Variants in SBF2 observed in about 807,000 individuals in gnomAD.
SBF2 encodes the protein myotubularin-related protein 13.
In SBF2, 112 loss-of-function variants were observed where a neutral mutation model predicts 225.2. The ratio of observed to expected loss-of-function variants is 0.50; its 90% confidence interval spans 0.43 to 0.58. The LOEUF (loss-of-function observed/expected upper bound fraction) is 0.58, where lower values mean the gene tolerates loss of function less well. SBF2 is among the 20% of genes least tolerant of loss of function. The probability of loss-of-function intolerance (pLI) is 0.00; values close to 1 mark genes in which losing one functional copy is unlikely to be tolerated. For missense variants in SBF2, 1,996 were observed against 2,206.2 expected (o/e 0.90, Z 1.91); for synonymous variants, 763 against 773.3 (o/e 0.99, Z 0.22).
At chr11:10,133,761 A>G (rs112234931) in intron 2 of SBF2, among the ~76,000 whole-genome samples, 44,513 of 149,552 alleles carry the variant, frequency 0.3, 7,045 homozygotes, top group Non-Finnish European at 0.35. Flanking sequence ...CCACAGTGCA[A>G]TGGGGGACTG....
chr11:10,146,896 G>A (rs1282237266), intron 2 of SBF2, among the ~76,000 whole-genome samples: 1 of 152,034 alleles, frequency 6.6e-6, no homozygotes, highest in Non-Finnish European at 1.5e-5. Flanking sequence ...TAAAAAGTGG[G>A]CAAAGGACAT....
At chr11:9,804,451 G>T (rs11605368) in intron 32 of SBF2, among the ~76,000 whole-genome samples, 77,832 of 152,088 alleles carry the variant, frequency 0.51, 21,820 homozygotes, top group Non-Finnish European at 0.64. Context: ...ATTTATTGAA[G>T]TGTTATTTAA....
intron 16 of SBF2, chr11:9,958,214 C>T (rs7952455): frequency 0.11 from 17,078 of 152,050 alleles, 1,080 homozygotes; most frequent in Non-Finnish European, 0.13. Context: ...CACTAATGTA[C>T]TAAAAAGCTT....
intron 2 of SBF2, among the ~76,000 whole-genome samples, chr11:10,094,256 G>C (rs1431881797): frequency 6.6e-6 from 1 of 152,144 alleles, no homozygotes; most frequent in Non-Finnish European, 1.5e-5. Flanking sequence ...CCAGGAGGCA[G>C]AGGTGGCAGT....
At chr11:10,152,605 C>G (rs192168931) in intron 2 of SBF2, among the ~76,000 whole-genome samples, 169 of 151,834 alleles carry the variant, frequency 1.1e-3, no homozygotes, top group African/African-American at 3.9e-3. Flanking sequence ...GTCCTAATTT[C>G]CTCACAACTG....
chr11:10,182,088 C>G (rs1591157285), intron 2 of SBF2, among the ~76,000 whole-genome samples: 1 of 152,044 alleles, frequency 6.6e-6, no homozygotes, highest in Non-Finnish European at 1.5e-5. Flanking sequence ...AAGGAGATGA[C>G]CATACATGGT....
At chr11:9,864,385 G>C (rs1858010269) in intron 17 of SBF2, among the ~76,000 whole-genome samples, 2 of 152,132 alleles carry the variant, frequency 1.3e-5, no homozygotes, top group Non-Finnish European at 2.9e-5. Context: ...GGGATGAATG[G>C]ATTGAAGTCC....
chr11:10,230,277 G>A (rs2135431416), intron 1 of SBF2, among the ~76,000 whole-genome samples: 1 of 152,286 alleles, frequency 6.6e-6, no homozygotes, highest in Middle Eastern at 3.4e-3. Context: ...TTGCCAGTCT[G>A]TGTCTTTTAA....
At chr11:10,218,356 CCAGATCCCTCCCAT>C (rs1958212644) in intron 1 of SBF2, among the ~76,000 whole-genome samples, 1 of 135,914 alleles carries the variant, frequency 7.4e-6, no homozygotes, top group African/African-American at 2.7e-5. Flanking sequence ...TTACCTCCCA[CCAGATCCCTCCCAT>C]GACACGTGGG....
intron 17 of SBF2, among the ~76,000 whole-genome samples, chr11:9,890,871 C>T (rs1352134669): frequency 6.6e-6 from 1 of 152,134 alleles, no homozygotes; most frequent in African/African-American, 2.4e-5. Flanking sequence ...TGGTGGCTCA[C>T]ACCTGTAATC....
chr11:9,787,587 C>A lies in SBF2; in HGVS notation c.5037+47G>T, dbSNP rs368289214. 9.7e-5 allele frequency: 148 copies of A among 1,526,394 alleles called. No individual in the cohort carries two copies. In the African/African-American group the frequency reaches 1.7e-3, roughly 17 times the overall value. The allele number at this position is 1,526,394 out of a possible 1,614,324, so 94.6% of individuals were successfully genotyped here. ...GCAGCAGGCTCCACCTGACTTAGCA[C>A]CCTCAGAAAGCTCAGAAGTGGCTCT... On this transcript the variant is annotated intron_variant, in intron 36 of 39. Transcript: ENST00000256190.
intron 13 of SBF2, among the ~76,000 whole-genome samples, chr11:9,983,638 C>T (rs1341417264): frequency 2.6e-5 from 4 of 152,172 alleles, no homozygotes; most frequent in African/African-American, 9.7e-5. Flanking sequence ...AAAAACAGAG[C>T]ATTAAACCAC....
At chr11:9,815,885 G>A (rs1854430495) in intron 29 of SBF2, among the ~76,000 whole-genome samples, 1 of 152,200 alleles carries the variant, frequency 6.6e-6, no homozygotes, top group Admixed American at 6.5e-5. Flanking sequence ...AGCAGTCCAG[G>A]CAGTGGGAGA....
At chr11:10,180,148 T>TA (rs1956675685) in intron 2 of SBF2, among the ~76,000 whole-genome samples, 1 of 152,296 alleles carries the variant, frequency 6.6e-6, no homozygotes, top group South Asian at 2.1e-4. Flanking sequence ...ACATGACAGT[T>TA]ACAGTGTTAT....
intron 1 of SBF2, among the ~76,000 whole-genome samples, chr11:10,220,422 C>A (rs904460629): frequency 3.3e-5 from 5 of 152,132 alleles, no homozygotes; most frequent in Non-Finnish European, 5.9e-5. Flanking sequence ...GTTCTAGATT[C>A]TTGTTCATTA....
At chr11:10,066,493 A>C (rs915866973) in intron 2 of SBF2, among the ~76,000 whole-genome samples, 6 of 152,148 alleles carry the variant, frequency 3.9e-5, no homozygotes, top group Non-Finnish European at 8.8e-5. Context: ...ACATGTTTAC[A>C]TAAAAAAGAA....
intron 2 of SBF2, among the ~76,000 whole-genome samples, chr11:10,117,162 C>T (rs887156937): frequency 3.3e-5 from 5 of 152,040 alleles, no homozygotes; most frequent in African/African-American, 9.7e-5. Context: ...TGTATCAGGC[C>T]GGGCGTGGTG....
intron 12 of SBF2, 110 bp downstream of exon 12, chr11:9,992,305 A>C: frequency 1.2e-6 from 1 of 803,784 alleles, no homozygotes; most frequent in East Asian, 2.9e-5. Flanking sequence ...GGGATTATTT[A>C]ATACCTAATT....
At chr11:10,296,284 G>A (rs904445655), upstream of SBF2, among the ~76,000 whole-genome samples, 54 of 152,016 alleles carry the variant, frequency 3.6e-4, 1 homozygote, top group African/African-American at 9.7e-5. Context: ...ATTGTATATT[G>A]TGTTAGACTG....
Sources: gnomAD v4.1 joint callset for allele counts (sites outside exome capture counted in the v4.1 genomes callset) on GRCh38, gnomAD v4.1.1 for gene constraint, MANE v1.5 for transcripts, NCBI Gene and HGNC (gene_info 2026-07-23, HGNC 2026-07-21) for gene names.